The following NRG1 variants were observed in gnomAD, a reference collection of about 807,000 sequenced individuals.
NRG1 encodes the protein neuregulin 1, also known as pro-neuregulin-1, membrane-bound isoform.
NRG1 carries 18 observed loss-of-function variants against 63.8 expected under a neutral mutation model. The ratio of observed to expected loss-of-function variants is 0.28; its 90% CI spans 0.19 to 0.42. NRG1 has a LOEUF of 0.42. Among genes scored for constraint, NRG1 ranks in the 10% least tolerant of loss-of-function variants. The pLI, the probability that NRG1 is intolerant of heterozygous loss-of-function variation, is 1.00. For synonymous variants in NRG1, 302 were observed against 301.3 expected (o/e 1.00, Z -0.02); for missense variants, 762 against 814.7 (o/e 0.94, Z 0.79).
chr8:31,674,615 A>T (rs1807493363), intron 1 of NRG1, among the ~76,000 whole-genome samples: 1 of 151,610 alleles, frequency 6.6e-6, no homozygotes, highest in Non-Finnish European at 1.5e-5. Flanking sequence ...CTTGAGGCTT[A>T]CTCAAGATCT....
chr8:31,660,026 G>T (rs1042633482), intron 1 of NRG1, among the ~76,000 whole-genome samples: 9 of 152,120 alleles, frequency 5.9e-5, no homozygotes, highest in Non-Finnish European at 7.4e-5. Context: ...ATTTGCCCAA[G>T]ACACACAGCT....
At chr8:32,699,333 G>C (rs1814250934) in intron 5 of NRG1, among the ~76,000 whole-genome samples, 1 of 152,184 alleles carries the variant, frequency 6.6e-6, no homozygotes, top group East Asian at 1.9e-4. Context: ...GAGGGGCTTG[G>C]TATGGCTGTA....
At chr8:31,985,325 G>A (rs1470795069) in intron 1 of NRG1, among the ~76,000 whole-genome samples, 1 of 151,984 alleles carries the variant, frequency 6.6e-6, no homozygotes, top group East Asian at 1.9e-4. Flanking sequence ...CTAAAGCAAA[G>A]GAGTTACAAA....
At chr8:31,856,610 G>A (rs936146003) in intron 1 of NRG1, among the ~76,000 whole-genome samples, 3 of 152,158 alleles carry the variant, frequency 2.0e-5, no homozygotes, top group Non-Finnish European at 4.4e-5. Flanking sequence ...TCTTCTCTCC[G>A]CTCGTCAAAG....
chr8:32,072,858 T>C (rs528864155), intron 1 of NRG1, among the ~76,000 whole-genome samples: 1 of 152,280 alleles, frequency 6.6e-6, no homozygotes, highest in African/African-American at 2.4e-5. Context: ...CCCCCTCCAC[T>C]TTTGAGTTTC....
chr8:32,183,705 A>T (rs1354675748), intron 1 of NRG1, among the ~76,000 whole-genome samples: 1 of 152,196 alleles, frequency 6.6e-6, no homozygotes, highest in African/African-American at 2.4e-5. Context: ...GAGTAGACTT[A>T]TGTTTGGGAT....
chr8:32,426,451 C>T (rs572725281), intron 1 of NRG1, among the ~76,000 whole-genome samples: 16 of 152,308 alleles, frequency 1.1e-4, no homozygotes, highest in African/African-American at 3.8e-4. Context: ...ATAAACAATT[C>T]CTTGTGTTTT....
intron 7 of NRG1, among the ~76,000 whole-genome samples, chr8:32,752,998 T>G (rs1389603384): frequency 6.6e-6 from 1 of 152,192 alleles, no homozygotes; most frequent in African/African-American, 2.4e-5. Flanking sequence ...CAAGAAAACT[T>G]CCTGCAAGCT....
At chr8:32,188,778 A>G (rs1842204043) in intron 1 of NRG1, among the ~76,000 whole-genome samples, 1 of 151,828 alleles carries the variant, frequency 6.6e-6, no homozygotes, top group Non-Finnish European at 1.5e-5. Flanking sequence ...ACATGGACAC[A>G]GGAAGGGGAA....
chr8:32,427,539 G>T (rs1486273344), intron 1 of NRG1, among the ~76,000 whole-genome samples: 1 of 152,192 alleles, frequency 6.6e-6, no homozygotes, highest in Non-Finnish European at 1.5e-5. Flanking sequence ...CAACAGCCTT[G>T]TCAATATGCC....
intron 1 of NRG1, among the ~76,000 whole-genome samples, chr8:31,863,664 T>TTTATTTTCTTGCCCAC (rs1396601398): frequency 2.0e-5 from 3 of 152,204 alleles, no homozygotes; most frequent in African/African-American, 7.2e-5. Context: ...TAAATTTTCT[T>TTTATTTTCTTGCCCAC]TTACCATCTT....
chr8:32,500,822 A>G (rs1014887549), intron 1 of NRG1, among the ~76,000 whole-genome samples: 1 of 152,214 alleles, frequency 6.6e-6, no homozygotes, highest in African/African-American at 2.4e-5. Context: ...CAAGGTTTCA[A>G]TCAAAAAGGC....
intron 1 of NRG1, among the ~76,000 whole-genome samples, chr8:31,928,647 T>TAC (rs146349017): frequency 0.64 from 93,112 of 145,972 alleles, 31,542 homozygotes; most frequent in Middle Eastern, 0.77. Context: ...TATATATATA[T>TAC]ATACACACAC....
At chr8:31,736,257 G>T (rs1814652060) in intron 1 of NRG1, among the ~76,000 whole-genome samples, 1 of 152,116 alleles carries the variant, frequency 6.6e-6, no homozygotes, top group Admixed American at 6.6e-5. Context: ...TGCTAAGAAT[G>T]AGCTTACTTT....
intron 1 of NRG1, among the ~76,000 whole-genome samples, chr8:32,274,327 C>T (rs981157873): frequency 5.3e-5 from 8 of 152,204 alleles, no homozygotes; most frequent in Non-Finnish European, 8.8e-5. Context: ...GTCCTCCACA[C>T]ACCAATGCTT....
Position 32,742,877 on chromosome 8 carries a change from A to G in NRG1, c.691+144A>G. The stretch of plus-strand genomic sequence containing the variant: ...AATATTGACTGCCTCTGCCTGTCGC[A>G]TGAGAACATTAACAAAAGCAATTGT... On this transcript the variant is annotated intron_variant, in intron 7 of 11. Transcript: ENST00000356819. The surrounding 1 kb of genome is among the most constrained non-coding windows in gnomAD (Gnocchi z 4.2). 1 of 1,560,408 alleles carries G rather than the reference A, an allele frequency of 6.4e-7. No homozygotes were observed. Among genetic ancestry groups the G allele is most frequent in the Non-Finnish European group, 8.7e-7 (1 of 1,149,884 alleles).
At chr8:32,761,807 G>A (rs561939688) in intron 11 of NRG1, among the ~76,000 whole-genome samples, 21 of 151,992 alleles carry the variant, frequency 1.4e-4, no homozygotes, top group Admixed American at 1.4e-3. Flanking sequence ...TTGGGAGGCT[G>A]AGGTGGGTAG....
chr8:32,451,325 C>A (rs1207852314), intron 1 of NRG1, among the ~76,000 whole-genome samples: 1 of 152,162 alleles, frequency 6.6e-6, no homozygotes, highest in Non-Finnish European at 1.5e-5. Context: ...GACATAGGCT[C>A]CACTCATTTC....
intron 1 of NRG1, among the ~76,000 whole-genome samples, chr8:31,790,584 A>G (rs1820605058): frequency 6.6e-6 from 1 of 152,222 alleles, no homozygotes; most frequent in Non-Finnish European, 1.5e-5. Context: ...TGTTCAATAG[A>G]GAATTTTTAA....
Sources: gnomAD v4.1 joint callset for allele counts (sites outside exome capture counted in the v4.1 genomes callset) on GRCh38, gnomAD v4.1.1 for gene constraint, Gnocchi (gnomAD v3.1) non-coding constraint, MANE v1.5 for transcripts, NCBI Gene and HGNC (gene_info 2026-07-23, HGNC 2026-07-21) for gene names.